The following SLC4A10 variants were observed in gnomAD, a reference collection of about 807,000 sequenced individuals.
SLC4A10 encodes sodium-driven chloride bicarbonate exchanger.
In SLC4A10, 42 loss-of-function variants were observed where a neutral mutation model predicts 137.7. The ratio of observed to expected loss-of-function variants is 0.30; its 90% CI spans 0.24 to 0.39. The LOEUF (loss-of-function observed/expected upper bound fraction) is 0.39, where lower values mean the gene tolerates loss of function less well. Among genes scored for constraint, SLC4A10 ranks in the 10% least tolerant of loss-of-function variants. The probability of loss-of-function intolerance (pLI) is 1.00; values close to 1 mark genes in which losing one functional copy is unlikely to be tolerated. For synonymous variants in SLC4A10, 474 were observed against 464.1 expected, an observed-to-expected ratio of 1.02 and a Z score of -0.27; for missense variants, 925 against 1,355.0, an observed-to-expected ratio of 0.68 and a Z score of 4.98.
At chr2:161,817,841 C>T (rs2057238581) in intron 3 of SLC4A10, among the ~76,000 whole-genome samples, 2 of 151,796 alleles carry the variant, frequency 1.3e-5, no homozygotes, top group Admixed American at 6.6e-5. Flanking sequence ...TGATCTATAT[C>T]TCTGTTTTGG....
At chr2:161,656,193 C>T (rs1476265565) in intron 1 of SLC4A10, among the ~76,000 whole-genome samples, 3 of 152,078 alleles carry the variant, frequency 2.0e-5, no homozygotes, top group Non-Finnish European at 4.4e-5. Context: ...AATCAATAAA[C>T]GTGATATACC....
At chr2:161,660,596 C>CTT (rs1209866714) in intron 1 of SLC4A10, among the ~76,000 whole-genome samples, 3 of 145,732 alleles carry the variant, frequency 2.1e-5, no homozygotes, top group African/African-American at 7.6e-5. Context: ...TTCTTTCTTT[C>CTT]TTTCTTTCTT....
chr2:161,672,543 T>C lies in SLC4A10; in HGVS notation c.48+47977T>C, dbSNP rs566858824. On this transcript the variant is annotated intron_variant, in intron 1 of 26. Coordinates refer to ENST00000446997, the MANE Select transcript of SLC4A10 (RefSeq NM_001178015.2). ...TTTTTTTAATTTAGAGACCACAGTC[T>C]TTCTGATTGACTGAATTATATCTTT... is the stretch of plus-strand genomic sequence containing the variant. 2.6e-5 allele frequency among the ~76,000 whole-genome samples: 4 copies of C among 152,168 alleles called. No homozygotes were observed. The East Asian group carries it at 7.7e-4, about 29-fold the overall frequency.
At position 161,791,329 on chromosome 2, in the gene SLC4A10, A is replaced by G. The variant is rs144432581; in HGVS notation, c.131-13120A>G. Among the ~76,000 whole-genome samples, 153 of 152,298 alleles carry G rather than the reference A, an allele frequency of 1.0e-3. 1 individual carries two copies. The East Asian group carries it at 0.027, about 27-fold the overall frequency. On this transcript the variant is annotated intron_variant, in intron 2 of 26. Coordinates refer to ENST00000446997, the MANE Select transcript of SLC4A10 (RefSeq NM_001178015.2). ...ATGTCCTTTGCAGGGACCTGGATGGAACTGGAAGCCATTACCCTCAGCAAA... is the reference window on the plus strand; with the variant it reads ...ATGTCCTTTGCAGGGACCTGGATGGGACTGGAAGCCATTACCCTCAGCAAA...
At chr2:161,824,217 GT>G (rs1396701230) in intron 3 of SLC4A10, among the ~76,000 whole-genome samples, 2 of 152,160 alleles carry the variant, frequency 1.3e-5, no homozygotes, top group African/African-American at 4.8e-5. Context: ...ATCAGGTTTT[GT>G]AAGGACCTTT....
intron 26 of SLC4A10, among the ~76,000 whole-genome samples, chr2:161,980,285 C>G (rs1700034666): frequency 6.6e-6 from 1 of 152,030 alleles, no homozygotes; most frequent in Admixed American, 6.6e-5. Context: ...TTTTTCTATC[C>G]CAGATTCTTT....
intron 17 of SLC4A10, among the ~76,000 whole-genome samples, chr2:161,948,444 A>G (rs1276791660): frequency 2.0e-5 from 3 of 152,134 alleles, no homozygotes; most frequent in Non-Finnish European, 2.9e-5. Flanking sequence ...CAAAAATCTT[A>G]GTCTGATTAA....
chr2:161,862,806 G>A, intron 5 of SLC4A10, 68 bp from the exon 6 acceptor site: 1 of 1,277,412 alleles, frequency 7.8e-7, no homozygotes, highest in Non-Finnish European at 1.0e-6. Flanking sequence ...TTTGGACTCA[G>A]TGGTTCACGG....
At chr2:161,927,066 T>C (rs935520969) in intron 15 of SLC4A10, among the ~76,000 whole-genome samples, 1 of 152,208 alleles carries the variant, frequency 6.6e-6, no homozygotes, top group African/African-American at 2.4e-5. Flanking sequence ...GGAGTATCTT[T>C]GTGGTGTTCT....
chr2:161,737,442 G>A (rs2047459233), intron 1 of SLC4A10, among the ~76,000 whole-genome samples: 1 of 150,044 alleles, frequency 6.7e-6, no homozygotes, highest in Non-Finnish European at 1.5e-5. Context: ...TTTGTCATTG[G>A]GTAGTAACAG....
intron 1 of SLC4A10, among the ~76,000 whole-genome samples, chr2:161,690,653 T>A (rs1005949782): frequency 6.6e-6 from 1 of 152,082 alleles, no homozygotes; most frequent in East Asian, 1.9e-4. Flanking sequence ...TGAACATGGA[T>A]GGAGCAGAAA....
intron 11 of SLC4A10, among the ~76,000 whole-genome samples, chr2:161,898,707 T>G (rs2063768527): frequency 6.6e-6 from 1 of 152,110 alleles, no homozygotes; most frequent in African/African-American, 2.4e-5. Context: ...ACCCTCAACT[T>G]ATTTGCTCTT....
At chr2:161,674,630 T>C (rs1341143788) in intron 1 of SLC4A10, among the ~76,000 whole-genome samples, 1 of 152,156 alleles carries the variant, frequency 6.6e-6, no homozygotes, top group Non-Finnish European at 1.5e-5. Flanking sequence ...CATAATATGA[T>C]TGGAAATCGA....
intron 2 of SLC4A10, among the ~76,000 whole-genome samples, chr2:161,790,078 C>A (rs1201811012): frequency 6.6e-6 from 1 of 152,106 alleles, no homozygotes; most frequent in Non-Finnish European, 1.5e-5. Flanking sequence ...TTCAAACCCA[C>A]AAGGAAGACT....
intron 2 of SLC4A10, among the ~76,000 whole-genome samples, chr2:161,789,708 T>C (rs544584925): frequency 6.6e-6 from 1 of 152,304 alleles, no homozygotes; most frequent in South Asian, 2.1e-4. Flanking sequence ...AAATTGCGAA[T>C]AGAATTAGAA....
intron 1 of SLC4A10, among the ~76,000 whole-genome samples, chr2:161,639,868 A>G (rs2035028506): frequency 6.6e-6 from 1 of 152,194 alleles, no homozygotes; most frequent in Middle Eastern, 3.2e-3. Flanking sequence ...TCATATATGA[A>G]AAACCCTACG....
chr2:161,852,002 A>G (rs542861041), intron 4 of SLC4A10, among the ~76,000 whole-genome samples: 2 of 152,254 alleles, frequency 1.3e-5, no homozygotes, highest in South Asian at 4.1e-4. Context: ...CAATCCTGCC[A>G]TCTTAGCCTT....
chr2:161,919,376 G>A (rs991228005), intron 15 of SLC4A10, among the ~76,000 whole-genome samples: 3 of 152,104 alleles, frequency 2.0e-5, no homozygotes, highest in Admixed American at 6.5e-5. Flanking sequence ...GGGCCAGGCT[G>A]CCAGTTCTGC....
At chr2:161,795,506 A>G (rs1247010071) in intron 2 of SLC4A10, among the ~76,000 whole-genome samples, 1 of 152,020 alleles carries the variant, frequency 6.6e-6, no homozygotes, top group African/African-American at 2.4e-5. Flanking sequence ...TATATCTATC[A>G]CCTCCCAAAG....
Sources: allele counts gnomAD v4.1 joint callset (sites outside exome capture counted in the v4.1 genomes callset), GRCh38; gene constraint gnomAD v4.1.1; transcripts MANE v1.5; gene names NCBI Gene and HGNC (gene_info 2026-07-23, HGNC 2026-07-21).